Variants in ASCC1 observed in about 807,000 individuals in gnomAD.
The protein encoded by ASCC1 is ASC-1 complex subunit P50.
Under a neutral mutation model 46.6 loss-of-function variants are expected in ASCC1, and 35 were observed. The observed-to-expected ratio is 0.75, with a 90% CI of 0.57 to 0.99. ASCC1 has a LOEUF of 0.99. ASCC1 is among the 50% of genes least tolerant of loss of function. The probability of loss-of-function intolerance (pLI) is 0.00; values close to 1 mark genes in which losing one functional copy is unlikely to be tolerated. For synonymous variants in ASCC1, 143 were observed against 146.6 expected, an observed-to-expected ratio of 0.98 and a Z score of 0.18; for missense variants, 376 against 428.7, an observed-to-expected ratio of 0.88 and a Z score of 1.09.
Position 72,096,067 on chromosome 10 carries a change from A to G in ASCC1, c.*1267T>C, listed in dbSNP as rs1381325920. The G allele has an allele frequency of 1.1e-5, 5 of 451,378 alleles. No individual in the cohort carries two copies. Among genetic ancestry groups the G allele is most frequent in the African/African-American group, 1.0e-4 (5 of 49,880 alleles). The allele number at this position is 451,378 out of a possible 1,614,324, so 28.0% of individuals were successfully genotyped here. On this transcript the variant is annotated 3_prime_UTR_variant, in exon 10 of 10. Transcript: ENST00000672957. ...CATTTTATTCACAAGTGATTTGTGC[A>G]GTCCCAATAATAAATCTCACTGTTA...
intron 5 of ASCC1, among the ~76,000 whole-genome samples, chr10:72,192,036 A>G (rs1173097365): frequency 2.0e-5 from 3 of 152,122 alleles, no homozygotes; most frequent in African/African-American, 7.2e-5. Context: ...CTTTTGCTCT[A>G]CAAAAGACAC....
chr10:72,193,840 T>C (rs894767186), intron 5 of ASCC1, among the ~76,000 whole-genome samples: 2 of 145,998 alleles, frequency 1.4e-5, no homozygotes, highest in African/African-American at 2.8e-5. Context: ...GAAATAATAC[T>C]GATTTTTTTT....
chr10:72,124,764 A>G (rs1276900103), intron 9 of ASCC1, among the ~76,000 whole-genome samples: 1 of 150,156 alleles, frequency 6.7e-6, no homozygotes, highest in African/African-American at 2.5e-5. Context: ...TAGATTAGAA[A>G]TGGATACTCT....
At chr10:72,152,748 G>A (rs1367747139) in intron 7 of ASCC1, 121 bp downstream of exon 7, 7 of 1,203,586 alleles carry the variant, frequency 5.8e-6, no homozygotes, top group Non-Finnish European at 7.0e-6. Context: ...AAAAGAGAGA[G>A]AAATAATTAA....
Position 72,133,178 on chromosome 10 carries a change from T to C in ASCC1, c.750A>G (p.Leu250=), listed in dbSNP as rs1845799848. ...CCAGCACTCGATCAACTAATTCTTG[T>C]AGCCTGGAGAAATTGGAGAAAAGTA... ...KVHMKDGSNR[L]QELVDRVLER... The change falls in exon 8 of 10, where the codon CTA becomes CTG. Residue 250 remains leucine, a synonymous_variant. Transcript: ENST00000672957. 9 of 1,614,076 alleles carry C rather than the reference T, an allele frequency of 5.6e-6. No individual in the cohort carries two copies. The highest frequency in any genetic ancestry group is 7.6e-6 in the Non-Finnish European group (9 of 1,179,934).
intron 9 of ASCC1, chr10:72,102,520 CTA>C (rs1841894984): frequency 3.4e-6 from 3 of 875,634 alleles, no homozygotes; most frequent in Admixed American, 4.1e-5. Flanking sequence ...CCTTTTTTGT[CTA>C]TGTTACAAGT....
Position 72,204,171 on chromosome 10 carries a change from C to T in ASCC1, c.213-647G>A, listed in dbSNP as rs544680209. 3.3e-5 allele frequency among the ~76,000 whole-genome samples: 5 copies of T among 152,272 alleles called. No individual in the cohort carries two copies. In the East Asian group the frequency reaches 9.6e-4, roughly 29 times the overall value. On this transcript the variant is annotated intron_variant, in intron 3 of 9. Transcript: ENST00000672957. ...GGCTAAGGCAGGAGAATCACTTGAA[C>T]CCGGGAGGTGGAGGTTGCAGTAAGC...
chr10:72,184,303 T>C (rs1401926654), intron 5 of ASCC1, among the ~76,000 whole-genome samples: 1 of 151,656 alleles, frequency 6.6e-6, no homozygotes, highest in African/African-American at 2.4e-5. Flanking sequence ...AACTCACCCA[T>C]AGCTAGAATT....
intron 4 of ASCC1, among the ~76,000 whole-genome samples, chr10:72,197,515 A>T (rs575720778): frequency 3.3e-5 from 5 of 151,976 alleles, no homozygotes; most frequent in African/African-American, 4.8e-5. Flanking sequence ...GACAGCTTAT[A>T]AAGTAGAAAA....
At chr10:72,116,402 C>T (rs1443225727) in intron 9 of ASCC1, among the ~76,000 whole-genome samples, 3 of 152,166 alleles carry the variant, frequency 2.0e-5, no homozygotes, top group Non-Finnish European at 4.4e-5. Flanking sequence ...TGTAAGAAAG[C>T]AAAGTACAAT....
chr10:72,203,821 GA>G (rs2074257812), intron 3 of ASCC1, among the ~76,000 whole-genome samples: 1 of 152,150 alleles, frequency 6.6e-6, no homozygotes, highest in Non-Finnish European at 1.5e-5. Flanking sequence ...GCAATAAAGT[GA>G]AAGAAAAGCT....
rs772044250 is a variant in ASCC1 at position 72,213,225 on chromosome 10, G to C, written c.74C>G (p.Thr25Ser). Reference protein sequence around the residue: ...NYRKNPVQEQTYQHEEDEEDF... With the variant: ...NYRKNPVQEQSYQHEEDEEDF... The stretch of plus-strand genomic sequence containing the variant: ...CTCTTCATCTTCTTCATGTTGATAG[G>C]TCTGTTCTTGGACTGGATTCTTCCT... Residue 25 changes from threonine to serine, a missense_variant, in exon 2 of 10, where the codon ACC becomes AGC. By Grantham distance (58) the Thr-to-Ser change is moderately conservative. Transcript: ENST00000672957. 16 of 1,613,742 alleles carry C rather than the reference G, an allele frequency of 9.9e-6. No homozygotes were observed. The highest frequency in any genetic ancestry group is 1.6e-4 in the Middle Eastern group (1 of 6,080).
chr10:72,154,995 T>C (rs1208350638), intron 6 of ASCC1, among the ~76,000 whole-genome samples: 1 of 152,204 alleles, frequency 6.6e-6, no homozygotes, highest in African/African-American at 2.4e-5. Context: ...TAAAATGATA[T>C]ATAAAACTGA....
chr10:72,127,614 G>A (rs1386760762), intron 9 of ASCC1, among the ~76,000 whole-genome samples: 1 of 149,192 alleles, frequency 6.7e-6, no homozygotes, highest in East Asian at 1.9e-4. Flanking sequence ...AACTTAGGTT[G>A]AAATCAACTT....
intron 5 of ASCC1, among the ~76,000 whole-genome samples, chr10:72,184,838 T>A (rs1853217075): frequency 1.3e-5 from 2 of 151,294 alleles, no homozygotes; most frequent in South Asian, 4.2e-4. Context: ...CAAAAAAAAT[T>A]TTAAATAAGC....
chr10:72,100,225 A>C (rs1228166099), intron 9 of ASCC1, among the ~76,000 whole-genome samples: 1 of 149,874 alleles, frequency 6.7e-6, no homozygotes, highest in Non-Finnish European at 1.5e-5. Context: ...AGTTATTGTT[A>C]TATCTTTTTT....
chr10:72,143,059 G>A (rs1313485163), intron 7 of ASCC1, among the ~76,000 whole-genome samples: 2 of 151,162 alleles, frequency 1.3e-5, no homozygotes, highest in African/African-American at 4.9e-5. Context: ...TACTCGTGAG[G>A]ACAAGGCAGA....
intron 5 of ASCC1, among the ~76,000 whole-genome samples, chr10:72,175,714 A>G (rs1176318216): frequency 6.6e-6 from 1 of 152,190 alleles, no homozygotes; most frequent in Non-Finnish European, 1.5e-5. Context: ...ATCTCCCCTC[A>G]CTAAAGGATG....
chr10:72,196,821 T>C lies in ASCC1; in HGVS notation c.479A>G (p.Lys160Arg). 1 of 1,613,118 alleles carries C rather than the reference T, an allele frequency of 6.2e-7. No homozygotes were observed. Among genetic ancestry groups the C allele is most frequent in the Non-Finnish European group, 8.5e-7 (1 of 1,179,936 alleles). ...FLRFQEEVLA[K>R]CSMDHGVDSS... Reference sequence around the variant, plus strand: ...TTTGTTTGCACTTACCATGGAGCACTTCGCCAGTACTTCCTCCTGGAATCT... The same window carrying C: ...TTTGTTTGCACTTACCATGGAGCACCTCGCCAGTACTTCCTCCTGGAATCT... Residue 160 changes from lysine (K) to arginine (R), a missense_variant, in exon 5 of 10, where the codon AAG becomes AGG. Coordinates refer to ENST00000672957, the MANE Select transcript of ASCC1 (RefSeq NM_001198800.3).
Sources: allele counts gnomAD v4.1 joint callset (sites outside exome capture counted in the v4.1 genomes callset), GRCh38; gene constraint gnomAD v4.1.1; transcripts MANE v1.5; gene names NCBI Gene and HGNC (gene_info 2026-07-23, HGNC 2026-07-21).